The following ARHGAP44 variants were observed in gnomAD, a reference collection of about 807,000 sequenced individuals.
The protein encoded by ARHGAP44 is Rho GTPase activating protein 44, also known as rho GTPase-activating protein 44.
In ARHGAP44, 43 loss-of-function variants were observed where a neutral mutation model predicts 106.8. That is an observed-to-expected ratio of 0.40 (90% CI 0.32 to 0.52). The LOEUF is 0.52. Among genes scored for constraint, ARHGAP44 ranks in the 20% least tolerant of loss-of-function variants. The pLI, the probability that ARHGAP44 is intolerant of heterozygous loss-of-function variation, is 0.48. For missense variants in ARHGAP44, 866 were observed against 1,050.5 expected (o/e 0.82, Z 2.43); for synonymous variants, 439 against 410.3 (o/e 1.07, Z -0.85).
At chr17:12,902,115 T>C (rs1300860576) in intron 3 of ARHGAP44, among the ~76,000 whole-genome samples, 2 of 152,196 alleles carry the variant, frequency 1.3e-5, no homozygotes, top group Non-Finnish European at 2.9e-5. Context: ...ATTCCCTTTG[T>C]AGAATAAAAT....
At chr17:12,952,949 A>G (rs543569642) in intron 13 of ARHGAP44, among the ~76,000 whole-genome samples, 3 of 152,030 alleles carry the variant, frequency 2.0e-5, no homozygotes, top group African/African-American at 4.8e-5. Context: ...GAAGGCAGGA[A>G]TAATTGTTGC....
At chr17:12,968,910 C>T (rs1039733256) in intron 16 of ARHGAP44, among the ~76,000 whole-genome samples, 8 of 151,950 alleles carry the variant, frequency 5.3e-5, no homozygotes, top group African/African-American at 1.7e-4. Flanking sequence ...GCTGGGATTA[C>T]GGGCACCCAC....
Position 12,978,035 on chromosome 17 carries a change from T to TAAAAAAAAA in ARHGAP44, c.1764-2023_1764-2022insAAAAAAAAA, listed in dbSNP as rs757585682. The stretch of plus-strand genomic sequence containing the variant: ...CTGGGCAACAGAGCAAGACTCCATC[T>TAAAAAAAAA]CAAAAAAAAAAAAAAAAAAAAGTGT... On this transcript the variant is annotated intron_variant, in intron 18 of 20. Transcript: ENST00000379672. 2.8e-3 allele frequency among the ~76,000 whole-genome samples: 153 copies of TAAAAAAAAA among 55,518 alleles called. 17 individuals carry two copies. Among genetic ancestry groups the TAAAAAAAAA allele is most frequent in the South Asian group, 0.013 (19 of 1,466 alleles). 36.4% of individuals were successfully genotyped at this position (55,518 alleles called of 152,430 possible).
chr17:12,970,592 T>G (rs566266218), intron 16 of ARHGAP44, among the ~76,000 whole-genome samples: 1 of 152,324 alleles, frequency 6.6e-6, no homozygotes, highest in South Asian at 2.1e-4. Context: ...TTTTCAGTTT[T>G]CAGCAGAAGC....
rs1288813837 is a variant in ARHGAP44, at chr17:12,980,166, T to A, written c.1872T>A (p.Ala624=). The change falls in exon 19 of 21, where the codon GCT becomes GCA. Residue 624 remains alanine (A), a synonymous_variant. Transcript: ENST00000379672. The part of the protein sequence containing the change: ...AGTQPGAQPG[A]QPGASPSPSQ... Reference sequence around the variant, plus strand: ...CTCAACCAGGGGCTCAACCTGGAGCTCAGCCGGGCGCCAGCCCCAGCCCCA... The same window carrying A: ...CTCAACCAGGGGCTCAACCTGGAGCACAGCCGGGCGCCAGCCCCAGCCCCA... The A allele has an allele frequency of 1.9e-6, 3 of 1,613,276 alleles. No individual in the cohort carries two copies. The South Asian group carries it at 3.3e-5, about 18-fold the overall frequency.
intron 7 of ARHGAP44, among the ~76,000 whole-genome samples, chr17:12,938,962 G>A (rs1165548517): frequency 6.6e-6 from 1 of 152,180 alleles, no homozygotes; most frequent in Admixed American, 6.5e-5. Flanking sequence ...TGTATTTGAT[G>A]CAACGTTTAG....
At chr17:12,945,911 C>T (rs2038838798) in intron 10 of ARHGAP44, among the ~76,000 whole-genome samples, 2 of 152,070 alleles carry the variant, frequency 1.3e-5, no homozygotes, top group African/African-American at 4.8e-5. Context: ...TTCAGCCTCC[C>T]AAGTAACTGG....
At chr17:12,967,511 G>A (rs1022507333) in intron 16 of ARHGAP44, among the ~76,000 whole-genome samples, 9 of 151,962 alleles carry the variant, frequency 5.9e-5, no homozygotes, top group South Asian at 4.1e-4. Flanking sequence ...TGGAGTGCCC[G>A]GGAAGGCATT....
At chr17:12,860,287 A>G (rs557192203) in intron 1 of ARHGAP44, among the ~76,000 whole-genome samples, 2 of 152,342 alleles carry the variant, frequency 1.3e-5, no homozygotes, top group African/African-American at 4.8e-5. Flanking sequence ...TATACTTTAA[A>G]GAATTCCTTA....
intron 1 of ARHGAP44, among the ~76,000 whole-genome samples, chr17:12,817,079 C>G (rs1008021854): frequency 1.3e-5 from 2 of 151,974 alleles, no homozygotes; most frequent in Non-Finnish European, 2.9e-5. Flanking sequence ...GTTCTCTGAC[C>G]ATAATGGAGT....
chr17:12,858,492 T>G (rs182815590), intron 1 of ARHGAP44, among the ~76,000 whole-genome samples: 2 of 152,320 alleles, frequency 1.3e-5, no homozygotes, highest in East Asian at 3.9e-4. Flanking sequence ...TCAAAAAGTT[T>G]AAGTCCACAG....
intron 7 of ARHGAP44, 101 bp from the exon 8 acceptor site, chr17:12,940,955 G>A: frequency 1.1e-6 from 1 of 920,504 alleles, no homozygotes; most frequent in Non-Finnish European, 1.7e-6. Flanking sequence ...AGGAGATTAA[G>A]CAGTGTTTAA....
At chr17:12,985,365 C>T (rs2039933832) in intron 20 of ARHGAP44, 1 of 156,234 alleles carries the variant, frequency 6.4e-6, no homozygotes, top group Admixed American at 6.5e-5. Context: ...TAAAATAAGC[C>T]TTGCTAGAAA....
chr17:12,896,114 GA>G (rs1248484772), intron 2 of ARHGAP44, among the ~76,000 whole-genome samples: 13 of 125,568 alleles, frequency 1.0e-4, no homozygotes, highest in Non-Finnish European at 2.0e-4. Flanking sequence ...GGGATAGGGG[GA>G]GGGGGGAGGG....
chr17:12,939,787 C>T (rs904223553), intron 7 of ARHGAP44, among the ~76,000 whole-genome samples: 4 of 152,222 alleles, frequency 2.6e-5, no homozygotes, highest in Admixed American at 6.5e-5. Flanking sequence ...ACTTCTTTTA[C>T]TCTTTCTTTA....
intron 15 of ARHGAP44, 123 bp downstream of exon 15, chr17:12,956,869 A>T (rs1470187213): frequency 5.3e-6 from 1 of 190,384 alleles, no homozygotes; most frequent in Non-Finnish European, 9.1e-6. Context: ...CCCTATAAAC[A>T]CACACACACA....
At chr17:12,869,583 C>T (rs947658778) in intron 1 of ARHGAP44, among the ~76,000 whole-genome samples, 1 of 152,078 alleles carries the variant, frequency 6.6e-6, no homozygotes, top group Admixed American at 6.6e-5. Flanking sequence ...CAACTCTTTC[C>T]GTCTTTGAAG....
At chr17:12,795,416 C>T (rs1597850750) in intron 1 of ARHGAP44, among the ~76,000 whole-genome samples, 2 of 152,180 alleles carry the variant, frequency 1.3e-5, no homozygotes, top group Non-Finnish European at 1.5e-5. Context: ...AGATTTCCTG[C>T]AGAATTCTGT....
At chr17:12,903,294 T>C (rs946347563) in intron 3 of ARHGAP44, among the ~76,000 whole-genome samples, 7 of 152,084 alleles carry the variant, frequency 4.6e-5, no homozygotes, top group African/African-American at 1.7e-4. Context: ...ATCTCAGAAA[T>C]GTCAGATTGA....
Sources: gnomAD v4.1 joint callset for allele counts (sites outside exome capture counted in the v4.1 genomes callset) on GRCh38, gnomAD v4.1.1 for gene constraint, MANE v1.5 for transcripts, NCBI Gene and HGNC (gene_info 2026-07-23, HGNC 2026-07-21) for gene names.